The following ZNF431 variants were observed in gnomAD, a reference collection of about 807,000 sequenced individuals.
ZNF431 encodes the protein zinc finger protein 431.
Under a neutral mutation model 57.0 loss-of-function variants are expected in ZNF431, and 34 were observed. That is an observed-to-expected ratio of 0.60 (90% CI 0.45 to 0.79). The LOEUF (loss-of-function observed/expected upper bound fraction) is 0.79. Ranked by LOEUF, ZNF431 falls within the 30% of genes least tolerant of loss-of-function variation. The pLI is 0.00. For synonymous variants in ZNF431, 207 were observed against 220.3 expected (o/e 0.94, Z 0.54); for missense variants, 607 against 667.1 (o/e 0.91, Z 0.99).
intron 4 of ZNF431, among the ~76,000 whole-genome samples, chr19:21,181,484 A>G (rs1453718488): frequency 6.6e-6 from 1 of 152,030 alleles, no homozygotes; most frequent in African/African-American, 2.4e-5. Flanking sequence ...TGTAAATGAC[A>G]TGTCGTTTTT....
At chr19:21,166,485 T>C (rs1380729868) in intron 3 of ZNF431, 24 bp downstream of exon 3, 3 of 1,582,064 alleles carry the variant, frequency 1.9e-6, no homozygotes, top group Non-Finnish European at 2.6e-6. Context: ...TCATACACAA[T>C]TCTTAATATG....
chr19:21,166,690 G>A (rs1312529781), intron 3 of ZNF431, among the ~76,000 whole-genome samples: 1 of 152,032 alleles, frequency 6.6e-6, no homozygotes, highest in African/African-American at 2.4e-5. Context: ...CTCTAGATTA[G>A]TGATAATTCC....
At chr19:21,168,296 G>T (rs1568307004) in intron 4 of ZNF431, among the ~76,000 whole-genome samples, 2 of 151,932 alleles carry the variant, frequency 1.3e-5, no homozygotes, top group South Asian at 2.1e-4. Flanking sequence ...GAATTATCAT[G>T]GGGAGTTTAT....
chr19:21,169,576 G>A (rs1970823098), intron 4 of ZNF431, among the ~76,000 whole-genome samples: 1 of 152,152 alleles, frequency 6.6e-6, no homozygotes, highest in Admixed American at 6.6e-5. Context: ...CTGCACTAGA[G>A]TCCACCTTTA....
At position 21,187,429 on chromosome 19, in the gene ZNF431, CAT is replaced by C. The variant is rs1291970771; in HGVS notation, c.*3399_*3400del. 3.9e-5 allele frequency: 4 copies of C among 101,548 alleles called. No individual in the cohort carries two copies. The highest frequency in any genetic ancestry group is 4.1e-4 in the South Asian group (1 of 2,422). 6.3% of individuals were successfully genotyped at this position (101,548 alleles called of 1,614,324 possible). A position where few individuals can be genotyped will look rare whatever the true frequency, so the allele number is the denominator to read the frequency against. On this transcript the variant is annotated 3_prime_UTR_variant, in exon 5 of 5. Transcript: ENST00000311048. The stretch of plus-strand genomic sequence containing the variant: ...CAGCCTGGGCGACAGAGCGAGACTC[CAT>C]ATAAAAAAAAAAAAAAAAAAAAAAG...
At chr19:21,150,133 T>C in intron 2 of ZNF431, 2 of 628,322 alleles carry the variant, frequency 3.2e-6, no homozygotes, top group Non-Finnish European at 6.1e-6. Context: ...GCTTTGTCTC[T>C]GGTCTGTACT....
chr19:21,172,127 ATTG>A (rs1970913098), intron 4 of ZNF431, among the ~76,000 whole-genome samples: 1 of 24,162 alleles, frequency 4.1e-5, no homozygotes, highest in Admixed American at 2.3e-4. Context: ...AGAAAAATTA[ATTG>A]TTGTAAAAAC....
rs570357201 is a variant in ZNF431 at position 21,174,985 on chromosome 19, C to A, written c.319+7319C>A. ...CCATGTTGGTCAGGCTGGTCCCAAT[C>A]TGACCTCGTGATCTGCCCGCCTTGG... On this transcript the variant is annotated intron_variant, in intron 4 of 4. Coordinates refer to ENST00000311048, the MANE Select transcript of ZNF431 (RefSeq NM_133473.4). Among the ~76,000 whole-genome samples the A allele has an allele frequency of 2.0e-5, 3 of 152,248 alleles. No homozygotes were observed. The East Asian group carries it at 5.8e-4, about 29-fold the overall frequency.
intron 4 of ZNF431, among the ~76,000 whole-genome samples, chr19:21,179,281 T>G (rs1422366265): frequency 6.6e-6 from 1 of 152,180 alleles, no homozygotes; most frequent in Non-Finnish European, 1.5e-5. Flanking sequence ...GCTAGCAGTC[T>G]ATTTTATTAG....
In ZNF431 at chr19:21,167,614, A is replaced by C. The variant is rs768636309; in HGVS notation, c.267A>C (p.Gln89His). The C allele has an allele frequency of 6.3e-7, 1 of 1,591,360 alleles. No individual in the cohort carries two copies. Among genetic ancestry groups the C allele is most frequent in the Non-Finnish European group, 8.6e-7 (1 of 1,168,506 alleles). Residue 89 changes from glutamine to histidine, a missense_variant, in exon 4 of 5, where the codon CAA becomes CAC. Transcript: ENST00000311048. The part of the protein sequence containing the change: ...SKQDPVTCLE[Q>H]EKEPWNMKRH... ...AAGACCCAGTCACCTGTCTGGAGCA[A>C]GAAAAAGAGCCCTGGAATATGAAGA...
chr19:21,192,918 C>CA lies in ZNF431; in HGVS notation c.*8885dup, dbSNP rs1971535254. Reference sequence around the variant, plus strand: ...AATTCTGCATACATACAAAAAAAGTCAGAGACTACTATGAACATCTCTATG... The same window carrying CA: ...AATTCTGCATACATACAAAAAAAGTCAAGAGACTACTATGAACATCTCTATG... On this transcript the variant is annotated 3_prime_UTR_variant, in exon 5 of 5. Transcript: ENST00000311048. 1 of 151,960 alleles carries CA rather than the reference C, an allele frequency of 6.6e-6. No homozygotes were observed. Among genetic ancestry groups the CA allele is most frequent in the Admixed American group, 6.6e-5 (1 of 15,260 alleles). The allele number at this position is 151,960 out of a possible 1,614,324, so 9.4% of individuals were successfully genotyped here. A position where few individuals can be genotyped will look rare whatever the true frequency, so the allele number is the denominator to read the frequency against.
intron 3 of ZNF431, among the ~76,000 whole-genome samples, chr19:21,167,114 T>C (rs975295877): frequency 6.6e-5 from 10 of 152,068 alleles, no homozygotes; most frequent in African/African-American, 2.4e-4. Context: ...CACCTCACCC[T>C]TCCAAAGTGC....
chr19:21,178,817 GTGT>G (rs1555711093), intron 4 of ZNF431, among the ~76,000 whole-genome samples: 1 of 150,432 alleles, frequency 6.6e-6, no homozygotes, highest in Non-Finnish European at 1.5e-5. Context: ...GTGTGTGTGT[GTGT>G]TGTTGTTGTT....
rs562494198 is a variant in ZNF431, at chr19:21,142,177, C to G, written c.-7C>G. 6.2e-7 allele frequency: 1 copy of G among 1,613,056 alleles called. No homozygotes were observed. The highest frequency in any genetic ancestry group is 8.5e-7 in the Non-Finnish European group (1 of 1,179,314). On this transcript the variant is annotated 5_prime_UTR_variant, in exon 1 of 5. Coordinates refer to ENST00000311048, the MANE Select transcript of ZNF431 (RefSeq NM_133473.4). Reference sequence around the variant, plus strand: ...CTAAGACACCGGGACCCCCTGAAAGCCTAGAAATGGTGAGAGTGCCGGGTC... The same window carrying G: ...CTAAGACACCGGGACCCCCTGAAAGGCTAGAAATGGTGAGAGTGCCGGGTC...
rs1470812560 is a variant in ZNF431 at position 21,194,570 on chromosome 19, G to A, written c.*10536G>A. 1.3e-5 allele frequency: 2 copies of A among 151,688 alleles called. No homozygotes were observed. The highest frequency in any genetic ancestry group is 2.9e-5 in the Non-Finnish European group (2 of 68,046). The allele number at this position is 151,688 out of a possible 1,614,324, so 9.4% of individuals were successfully genotyped here. On this transcript the variant is annotated 3_prime_UTR_variant, in exon 5 of 5. Transcript: ENST00000311048. Reference sequence around the variant, plus strand: ...TGTAACCTCCACCTCCTGGGTTCAAGTGAGTCTCCTACCTCAGCCTCCCAA... The same window carrying A: ...TGTAACCTCCACCTCCTGGGTTCAAATGAGTCTCCTACCTCAGCCTCCCAA...
chr19:21,155,197 A>G (rs1970384881), intron 2 of ZNF431, among the ~76,000 whole-genome samples: 8 of 152,156 alleles, frequency 5.3e-5, no homozygotes, highest in Admixed American at 5.2e-4. Flanking sequence ...TAATTTTTGT[A>G]TAAGGTGTAA....
At chr19:21,173,956 T>C (rs1250988547) in intron 4 of ZNF431, among the ~76,000 whole-genome samples, 3 of 151,952 alleles carry the variant, frequency 2.0e-5, no homozygotes, top group African/African-American at 4.8e-5. Context: ...TGGTTTTTTT[T>C]CTTTTTTTTT....
At position 21,143,658 on chromosome 19, in the gene ZNF431, C is replaced by T; in HGVS notation, c.96+15C>T. The T allele has an allele frequency of 6.3e-7, 1 of 1,599,286 alleles. No homozygotes were observed. The highest frequency in any genetic ancestry group is 1.1e-5 in the South Asian group (1 of 90,602). The stretch of plus-strand genomic sequence containing the variant: ...ATTTTGAAAAGGTAACCTCTTGAGA[C>T]ATTAAAATTGTCTACGCCCAACCCA... On this transcript the variant is annotated intron_variant, in intron 2 of 4. Coordinates refer to ENST00000311048, the MANE Select transcript of ZNF431 (RefSeq NM_133473.4).
At position 21,170,225 on chromosome 19, in the gene ZNF431, C is replaced by A. The variant is rs116745966; in HGVS notation, c.319+2559C>A. On this transcript the variant is annotated intron_variant, in intron 4 of 4. Transcript: ENST00000311048. ...TTATCATCTGGTCTGGAAATCCAGG[C>A]CTGCAGCAATTCTCCAACCTCAATG... Among the ~76,000 whole-genome samples the A allele has an allele frequency of 8.6e-3, 1,311 of 152,262 alleles. 19 individuals carry two copies. The highest frequency in any genetic ancestry group is 0.028 in the African/African-American group (1,178 of 41,534).
Sources: allele counts gnomAD v4.1 joint callset (sites outside exome capture counted in the v4.1 genomes callset), GRCh38; gene constraint gnomAD v4.1.1; transcripts MANE v1.5; gene names NCBI Gene and HGNC (gene_info 2026-07-23, HGNC 2026-07-21).